The following ACTL6A variants were observed in gnomAD, a reference collection of about 807,000 sequenced individuals.
The protein encoded by ACTL6A is actin-like protein 6A.
A neutral mutation model predicts 59.2 loss-of-function variants in ACTL6A; 5 were observed. The observed-to-expected ratio is 0.08, with a 90% CI of 0.04 to 0.18. The LOEUF (loss-of-function observed/expected upper bound fraction) is 0.18. ACTL6A is among the 10% of genes least tolerant of loss of function. The pLI, the probability that ACTL6A is intolerant of heterozygous loss-of-function variation, is 1.00. For missense variants in ACTL6A, 285 were observed against 526.9 expected (o/e 0.54, Z 4.49); for synonymous variants, 154 against 171.8 (o/e 0.90, Z 0.81).
chr3:179,587,593 C>T (rs750294221), intron 13 of ACTL6A, among the ~76,000 whole-genome samples: 7 of 151,974 alleles, frequency 4.6e-5, no homozygotes, highest in South Asian at 2.1e-4. Context: ...TTAAAAAAAA[C>T]GCTGGTGCAG....
intron 8 of ACTL6A, among the ~76,000 whole-genome samples, chr3:179,578,964 C>T (rs2108365538): frequency 1.3e-5 from 2 of 152,244 alleles, no homozygotes; most frequent in Middle Eastern, 3.4e-3. Flanking sequence ...AGGCTGGTCT[C>T]TAACCCTTGA....
At chr3:179,576,065 C>G in intron 5 of ACTL6A, 152 bp from the exon 6 acceptor site, 1 of 578,516 alleles carries the variant, frequency 1.7e-6, no homozygotes. Flanking sequence ...TATTTTATAC[C>G]AATTTTTATC....
intron 3 of ACTL6A, among the ~76,000 whole-genome samples, chr3:179,571,184 T>C (rs552069636): frequency 3.9e-5 from 6 of 152,194 alleles, no homozygotes; most frequent in Admixed American, 1.3e-4. Flanking sequence ...TTTGGGAGGC[T>C]GAGACTGTGG....
At chr3:179,582,232 A>G (rs888480012) in intron 11 of ACTL6A, among the ~76,000 whole-genome samples, 5 of 152,238 alleles carry the variant, frequency 3.3e-5, no homozygotes, top group Non-Finnish European at 5.9e-5. Context: ...TGCAACAGTG[A>G]TAACTGTTTT....
At chr3:179,574,110 G>C (rs2108360778) in intron 4 of ACTL6A, among the ~76,000 whole-genome samples, 1 of 152,076 alleles carries the variant, frequency 6.6e-6, no homozygotes, top group African/African-American at 2.4e-5. Flanking sequence ...CTCATATGTG[G>C]AAAAGTCAGG....
chr3:179,570,056 G>A lies in ACTL6A; in HGVS notation c.103-11G>A, dbSNP rs1042855323. 2.5e-6 allele frequency: 4 copies of A among 1,610,832 alleles called. No homozygotes were observed. The African/African-American group carries it at 5.3e-5, about 22-fold the overall frequency. On this transcript the variant is annotated splice_polypyrimidine_tract_variant and intron_variant, in intron 2 of 13. Coordinates refer to ENST00000429709, the MANE Select transcript of ACTL6A (RefSeq NM_004301.5). This position sits in a 1 kb window ranked among gnomAD's most constrained non-coding sequence, Gnocchi z 4.3. ...GGTGAAACTTGTATGTCATGTTTCT[G>A]ACTCTTACAGGTGGATTTTCCTACA...
At position 179,574,375 on chromosome 3, in the gene ACTL6A, T is replaced by C. The variant is rs1718104313; in HGVS notation, c.384T>C (p.Asn128=). Residue 128 remains asparagine (N), a synonymous_variant, in exon 5 of 14, where the codon AAT becomes AAC. Coordinates refer to ENST00000429709, the MANE Select transcript of ACTL6A (RefSeq NM_004301.5). ...CTTTTTCCCCTCTTCTCAAGTGGAA[T>C]ACTAGAGCAAAGAGAGAGAAACTGA... ...HPVLMSEAPW[N]TRAKREKLTE... 6.2e-7 allele frequency: 1 copy of C among 1,604,060 alleles called. No homozygotes were observed. The highest frequency in any genetic ancestry group is 2.2e-5 in the East Asian group (1 of 44,730).
chr3:179,574,367 A>T lies in ACTL6A; in HGVS notation c.379-3A>T, dbSNP rs945123472. ...TTGCATTTCTTTTTCCCCTCTTCTCAAGTGGAATACTAGAGCAAAGAGAGA... is the reference window on the plus strand; with the variant it reads ...TTGCATTTCTTTTTCCCCTCTTCTCTAGTGGAATACTAGAGCAAAGAGAGA... On this transcript the variant is annotated splice_region_variant and splice_polypyrimidine_tract_variant and intron_variant, in intron 4 of 13. Coordinates refer to ENST00000429709, the MANE Select transcript of ACTL6A (RefSeq NM_004301.5). The T allele has an allele frequency of 3.8e-6, 6 of 1,589,498 alleles. No homozygotes were observed. The African/African-American group carries it at 8.1e-5, about 21-fold the overall frequency.
intron 1 of ACTL6A, 197 bp downstream of exon 1, chr3:179,563,314 G>A: frequency 1.1e-6 from 1 of 940,318 alleles, no homozygotes; most frequent in Non-Finnish European, 1.5e-6. Flanking sequence ...CGGGCTCCCT[G>A]AAGTGGCGGC....
intron 1 of ACTL6A, among the ~76,000 whole-genome samples, chr3:179,568,484 A>G (rs946011678): frequency 6.6e-6 from 1 of 151,088 alleles, no homozygotes; most frequent in African/African-American, 2.4e-5. Context: ...TAACCACTGA[A>G]CTGAAGTTGG....
chr3:179,571,851 T>C (rs1400688724), intron 3 of ACTL6A, among the ~76,000 whole-genome samples: 1 of 151,888 alleles, frequency 6.6e-6, no homozygotes, highest in Non-Finnish European at 1.5e-5. Flanking sequence ...AGTGTAGGTA[T>C]AGCGAGCTAC....
intron 12 of ACTL6A, 56 bp from the exon 13 acceptor site, chr3:179,586,490 T>TAA: frequency 8.7e-7 from 1 of 1,152,088 alleles, no homozygotes; most frequent in Non-Finnish European, 1.2e-6. Context: ...AAAAAAAGAA[T>TAA]TTTCTAAGTT....
intron 1 of ACTL6A, among the ~76,000 whole-genome samples, chr3:179,567,738 C>T (rs1303013540): frequency 6.6e-5 from 10 of 152,146 alleles, no homozygotes; most frequent in Admixed American, 6.5e-4. Context: ...ACAGTGTTCT[C>T]CTTTTAAGGA....
At chr3:179,576,178 C>T (rs148839195) in intron 5 of ACTL6A, 39 bp from the exon 6 acceptor site, 25 of 1,419,218 alleles carry the variant, frequency 1.8e-5, no homozygotes, top group African/African-American at 2.8e-5. Flanking sequence ...ATTATTTTAG[C>T]GGCCTTGATA....
intron 12 of ACTL6A, among the ~76,000 whole-genome samples, chr3:179,585,149 C>T (rs921416192): frequency 1.3e-5 from 2 of 152,102 alleles, no homozygotes; most frequent in African/African-American, 4.8e-5. Flanking sequence ...GTCCCCTAGG[C>T]TGGAGTGCAG....
At chr3:179,584,582 C>T (rs1718428037) in intron 12 of ACTL6A, among the ~76,000 whole-genome samples, 1 of 149,712 alleles carries the variant, frequency 6.7e-6, no homozygotes, top group African/African-American at 2.5e-5. Flanking sequence ...GATCACACCA[C>T]TGCATTCCAA....
At chr3:179,576,789 A>G in intron 7 of ACTL6A, 35 bp from the exon 8 acceptor site, 1 of 1,609,284 alleles carries the variant, frequency 6.2e-7, no homozygotes. Flanking sequence ...CTATGAAGTG[A>G]ACTCCATTAA....
chr3:179,573,805 C>T (rs923194976), intron 4 of ACTL6A, among the ~76,000 whole-genome samples: 4 of 151,956 alleles, frequency 2.6e-5, no homozygotes, highest in Non-Finnish European at 5.9e-5. Context: ...CCAAGGGCAG[C>T]GTATATCTAC....
At chr3:179,578,532 C>A (rs185857111) in intron 8 of ACTL6A, among the ~76,000 whole-genome samples, 1 of 152,166 alleles carries the variant, frequency 6.6e-6, no homozygotes, top group African/African-American at 2.4e-5. Context: ...GTGGGAGAAT[C>A]ACCTGAGCCC....
Sources: gnomAD v4.1 joint callset for allele counts (sites outside exome capture counted in the v4.1 genomes callset) on GRCh38, gnomAD v4.1.1 for gene constraint, Gnocchi (gnomAD v3.1) non-coding constraint, MANE v1.5 for transcripts, NCBI Gene and HGNC (gene_info 2026-07-23, HGNC 2026-07-21) for gene names.